Variants in GPHN observed in about 807,000 individuals in gnomAD.
GPHN encodes the protein gephyrin.
In GPHN, 17 loss-of-function variants were observed where a neutral mutation model predicts 95.5. That is an observed-to-expected ratio of 0.18 (90% CI 0.12 to 0.27). The LOEUF (loss-of-function observed/expected upper bound fraction) is 0.27, where lower values mean the gene tolerates loss of function less well. Ranked by LOEUF, GPHN falls within the 10% of genes least tolerant of loss-of-function variation. GPHN has a pLI of 1.00. For synonymous variants in GPHN, 320 were observed against 322.5 expected (o/e 0.99, Z 0.08); for missense variants, 660 against 978.1 (o/e 0.67, Z 4.34).
intron 2 of GPHN, among the ~76,000 whole-genome samples, chr14:66,685,799 T>C (rs1174484944): frequency 6.6e-6 from 1 of 152,226 alleles, no homozygotes; most frequent in Non-Finnish European, 1.5e-5. Context: ...GCTTTTGGTG[T>C]TTTAGACATG....
intron 2 of GPHN, among the ~76,000 whole-genome samples, chr14:66,739,331 C>T (rs1345261491): frequency 6.6e-6 from 1 of 151,446 alleles, no homozygotes; most frequent in Non-Finnish European, 1.5e-5. Context: ...ATTCTCCTGC[C>T]TCAGCCTCCC....
the GPHN span, among the ~76,000 whole-genome samples, chr14:67,680,935 C>T: frequency 3.3e-5 from 5 of 152,148 alleles, no homozygotes; most frequent in South Asian, 6.2e-4. Context: ...TACAAATGAA[C>T]GGAACAGAAA....
At chr14:67,056,183 C>T (rs2075556823) in intron 10 of GPHN, among the ~76,000 whole-genome samples, 1 of 152,200 alleles carries the variant, frequency 6.6e-6, no homozygotes, top group East Asian at 1.9e-4. Context: ...GCCAATTGGC[C>T]CATTTTACAG....
the GPHN span, chr14:67,587,378 G>C: frequency 1.1e-6 from 1 of 929,668 alleles, no homozygotes; most frequent in Non-Finnish European, 1.7e-6. Context: ...TCTCTGTGAA[G>C]CCTTTACTCT....
intron 1 of GPHN, among the ~76,000 whole-genome samples, chr14:66,640,211 G>A (rs1180537499): frequency 3.3e-5 from 5 of 152,008 alleles, no homozygotes; most frequent in South Asian, 2.1e-4. Flanking sequence ...ACTTGAGGTC[G>A]TGAGTTCAAG....
chr14:66,573,617 C>T (rs886968711), intron 1 of GPHN, among the ~76,000 whole-genome samples: 5 of 152,036 alleles, frequency 3.3e-5, no homozygotes, highest in South Asian at 4.2e-4. Flanking sequence ...CCACCACGCA[C>T]GGCTAATTTT....
At chr14:67,365,250 T>G in the GPHN span, among the ~76,000 whole-genome samples, 2 of 152,200 alleles carry the variant, frequency 1.3e-5, no homozygotes, top group African/African-American at 4.8e-5. Flanking sequence ...TTATTTCTAG[T>G]GTTTATCAGG....
the GPHN span, chr14:67,613,182 C>A: frequency 6.5e-6 from 1 of 154,078 alleles, no homozygotes; most frequent in East Asian, 1.9e-4. Flanking sequence ...ATGGCCAACA[C>A]CTTGAGCACC....
chr14:67,508,633 C>T, the GPHN span, among the ~76,000 whole-genome samples: 8 of 151,544 alleles, frequency 5.3e-5, no homozygotes, highest in Non-Finnish European at 1.0e-4. Context: ...GTAGTCCCAG[C>T]TACTTGGAAG....
the GPHN span, among the ~76,000 whole-genome samples, chr14:67,355,102 G>A: frequency 1.5e-4 from 23 of 152,040 alleles, no homozygotes; most frequent in African/African-American, 4.8e-5. Flanking sequence ...ATGAGCCACC[G>A]CACCTGGCCT....
At chr14:66,687,731 C>T (rs976826765) in intron 2 of GPHN, among the ~76,000 whole-genome samples, 1 of 152,176 alleles carries the variant, frequency 6.6e-6, no homozygotes, top group East Asian at 1.9e-4. Flanking sequence ...TCAGGTGATC[C>T]GCCCACCTCG....
At chr14:67,625,750 A>G in the GPHN span, among the ~76,000 whole-genome samples, 1 of 148,122 alleles carries the variant, frequency 6.8e-6, no homozygotes, top group Admixed American at 6.7e-5. Flanking sequence ...AAAAAAAAAG[A>G]GAAAAGGTAA....
chr14:66,796,959 T>G (rs2060178316), intron 3 of GPHN, among the ~76,000 whole-genome samples: 1 of 151,738 alleles, frequency 6.6e-6, no homozygotes, highest in Admixed American at 6.6e-5. Context: ...AGGTCTTACA[T>G]TTAATTATTT....
intron 9 of GPHN, among the ~76,000 whole-genome samples, chr14:66,981,437 T>A (rs1394949462): frequency 6.6e-6 from 1 of 152,184 alleles, no homozygotes; most frequent in East Asian, 1.9e-4. Flanking sequence ...TATAGGAATT[T>A]GTTTAAATGT....
chr14:67,659,575 A>G, the GPHN span, among the ~76,000 whole-genome samples: 1 of 152,196 alleles, frequency 6.6e-6, no homozygotes, highest in African/African-American at 2.4e-5. Flanking sequence ...ACCAAGGGGT[A>G]ACAGGAACTG....
intron 7 of GPHN, 65 bp downstream of exon 7, chr14:66,923,003 G>GT (rs3215581): frequency 0.11 from 152,843 of 1,375,458 alleles, 26,960 homozygotes; most frequent in African/African-American, 0.63. Context: ...GGTTTCATCT[G>GT]TTTTGCATCG....
chr14:67,364,048 TG>T, the GPHN span: 1 of 152,146 alleles, frequency 6.6e-6, no homozygotes, highest in Non-Finnish European at 1.5e-5. Context: ...AAGAGAAACT[TG>T]AACTTTGTAG....
At chr14:67,338,384 C>T in the GPHN span, 1 of 454,634 alleles carries the variant, frequency 2.2e-6, no homozygotes. Context: ...GATAACGCTT[C>T]TGCAAAGTAA....
the GPHN span, among the ~76,000 whole-genome samples, chr14:67,548,228 C>T: frequency 6.6e-6 from 1 of 152,184 alleles, no homozygotes; most frequent in African/African-American, 2.4e-5. Context: ...TTCATTCTTG[C>T]TAAACCTGTT....
Sources: allele counts gnomAD v4.1 joint callset (sites outside exome capture counted in the v4.1 genomes callset), GRCh38; gene constraint gnomAD v4.1.1; transcripts MANE v1.5; gene names NCBI Gene and HGNC (gene_info 2026-07-23, HGNC 2026-07-21).